CSMD3: variants seen among roughly 807,000 people sequenced by gnomAD.
CSMD3 encodes CUB and sushi domain-containing protein 3.
Under a neutral mutation model 435.2 loss-of-function variants are expected in CSMD3, and 177 were observed. That is an observed-to-expected ratio of 0.41 (90% CI 0.36 to 0.46). CSMD3 has a LOEUF of 0.46. CSMD3 is among the 20% of genes least tolerant of loss of function. The pLI is 0.34. For missense variants in CSMD3, 4,265 were observed against 4,504.6 expected, an observed-to-expected ratio of 0.95 and a Z score of 1.52; for synonymous variants, 1,656 against 1,520.5, an observed-to-expected ratio of 1.09 and a Z score of -2.07.
intron 2 of CSMD3, among the ~76,000 whole-genome samples, chr8:113,285,669 G>C (rs2093641997): frequency 6.6e-6 from 1 of 152,048 alleles, no homozygotes; most frequent in African/African-American, 2.4e-5. Context: ...GAACATCCTG[G>C]AATCATGCAA....
chr8:113,396,307 A>G (rs1441899210), intron 1 of CSMD3, among the ~76,000 whole-genome samples: 1 of 152,172 alleles, frequency 6.6e-6, no homozygotes, highest in African/African-American at 2.4e-5. Flanking sequence ...TGAGTGGTAA[A>G]CTGTGTACAA....
chr8:112,556,170 C>A (rs932033210), intron 25 of CSMD3, among the ~76,000 whole-genome samples: 1 of 151,796 alleles, frequency 6.6e-6, no homozygotes, highest in African/African-American at 2.4e-5. Context: ...ACCTTCCCAC[C>A]CCCACCTACC....
chr8:112,234,983 C>T (rs1012367514), intron 67 of CSMD3, among the ~76,000 whole-genome samples: 1 of 152,070 alleles, frequency 6.6e-6, no homozygotes, highest in Non-Finnish European at 1.5e-5. Context: ...AGGTACACAG[C>T]TAAATCAAAC....
chr8:112,269,664 C>T (rs1162345735), intron 59 of CSMD3, among the ~76,000 whole-genome samples: 2 of 152,060 alleles, frequency 1.3e-5, no homozygotes, highest in African/African-American at 4.8e-5. Flanking sequence ...ATTAATATCC[C>T]AAAACATTTT....
intron 32 of CSMD3, among the ~76,000 whole-genome samples, chr8:112,438,088 C>A (rs1814577659): frequency 6.6e-6 from 1 of 152,160 alleles, no homozygotes; most frequent in African/African-American, 2.4e-5. Context: ...ATTACCAGGA[C>A]CAAAATAATT....
rs558622649 is a variant in CSMD3 at position 113,189,922 on chromosome 8, G to T, written c.515-16006C>A. On this transcript the variant is annotated intron_variant, in intron 3 of 70. Coordinates refer to ENST00000297405, the MANE Select transcript of CSMD3 (RefSeq NM_198123.2). ...TTATTGAAATGTAAAGAATTCATGT[G>T]CTTTAAAAACATAATTAAATCTTTA... 3.8e-4 allele frequency among the ~76,000 whole-genome samples: 57 copies of T among 151,736 alleles called. 1 individual carries two copies. The South Asian group carries it at 0.011, about 30-fold the overall frequency.
chr8:112,529,131 T>C (rs937674522), intron 27 of CSMD3, among the ~76,000 whole-genome samples: 1 of 151,224 alleles, frequency 6.6e-6, no homozygotes, highest in African/African-American at 2.4e-5. Context: ...AGAAAAAGAG[T>C]TGATCTAAGC....
At chr8:112,235,967 C>A (rs983602463) in intron 67 of CSMD3, among the ~76,000 whole-genome samples, 1 of 151,818 alleles carries the variant, frequency 6.6e-6, no homozygotes, top group Non-Finnish European at 1.5e-5. Context: ...TTTGTTAACA[C>A]ATCAAAGTTA....
chr8:112,522,213 G>A (rs887693298), intron 27 of CSMD3, among the ~76,000 whole-genome samples: 7 of 151,530 alleles, frequency 4.6e-5, no homozygotes, highest in South Asian at 2.1e-4. Flanking sequence ...TCATTACCCC[G>A]AATGTGAAAA....
intron 4 of CSMD3, among the ~76,000 whole-genome samples, chr8:113,166,939 A>C (rs1054668473): frequency 3.3e-5 from 5 of 152,196 alleles, no homozygotes; most frequent in African/African-American, 4.8e-5. Flanking sequence ...TTTTACATAC[A>C]TTAACTAATA....
intron 2 of CSMD3, among the ~76,000 whole-genome samples, chr8:113,287,152 T>C (rs2093652784): frequency 6.6e-6 from 1 of 152,086 alleles, no homozygotes; most frequent in Admixed American, 6.6e-5. Flanking sequence ...CTGCACCCTG[T>C]ACTGCTAATG....
At chr8:112,461,439 T>C (rs1267222772) in intron 32 of CSMD3, among the ~76,000 whole-genome samples, 1 of 152,150 alleles carries the variant, frequency 6.6e-6, no homozygotes, top group Non-Finnish European at 1.5e-5. Context: ...TTTTTTCTTT[T>C]TATTATTTCA....
At chr8:113,180,622 A>G (rs2092409857) in intron 3 of CSMD3, among the ~76,000 whole-genome samples, 1 of 152,076 alleles carries the variant, frequency 6.6e-6, no homozygotes, top group Non-Finnish European at 1.5e-5. Flanking sequence ...CCTTGAGTAG[A>G]AAAATTTAAA....
chr8:113,006,370 T>C (rs1221155345), intron 6 of CSMD3, among the ~76,000 whole-genome samples: 1 of 152,010 alleles, frequency 6.6e-6, no homozygotes, highest in Admixed American at 6.6e-5. Context: ...GTGGAAATAT[T>C]TCGTTTCAGA....
At chr8:112,229,060 A>G (rs556365250) in intron 69 of CSMD3, among the ~76,000 whole-genome samples, 169 bp from the exon 70 acceptor site, 11 of 152,350 alleles carry the variant, frequency 7.2e-5, no homozygotes, top group Admixed American at 6.5e-4. Context: ...ATGTTTGCAC[A>G]GTGCCTCTTA....
chr8:112,943,842 C>T (rs933139350), intron 9 of CSMD3, among the ~76,000 whole-genome samples: 4 of 151,582 alleles, frequency 2.6e-5, no homozygotes, highest in South Asian at 2.1e-4. Flanking sequence ...TAAAAGTCCC[C>T]CAATTTATAT....
intron 58 of CSMD3, among the ~76,000 whole-genome samples, chr8:112,282,904 A>G (rs1326433462): frequency 6.6e-6 from 1 of 152,088 alleles, no homozygotes; most frequent in Non-Finnish European, 1.5e-5. Context: ...CAACCAAACC[A>G]TCTCTTCTCA....
intron 35 of CSMD3, among the ~76,000 whole-genome samples, chr8:112,401,326 A>G (rs1191685840): frequency 6.6e-6 from 1 of 150,842 alleles, no homozygotes; most frequent in East Asian, 1.9e-4. Context: ...CTATTTTGCT[A>G]TTTTTTTTTA....
chr8:113,127,391 T>G (rs1239661992), intron 4 of CSMD3, among the ~76,000 whole-genome samples: 1 of 152,064 alleles, frequency 6.6e-6, no homozygotes, highest in African/African-American at 2.4e-5. Flanking sequence ...CAGCCATCCT[T>G]GCATGTAACA....
Sources: allele counts gnomAD v4.1 joint callset (sites outside exome capture counted in the v4.1 genomes callset), GRCh38; gene constraint gnomAD v4.1.1; transcripts MANE v1.5; gene names NCBI Gene and HGNC (gene_info 2026-07-23, HGNC 2026-07-21).